The following PPP1R21 variants were observed in gnomAD, a reference collection of about 807,000 sequenced individuals.
PPP1R21 encodes protein phosphatase 1 regulatory subunit 21.
A neutral mutation model predicts 112.8 loss-of-function variants in PPP1R21; 85 were observed. The ratio of observed to expected loss-of-function variants is 0.75; its 90% CI spans 0.63 to 0.90. The LOEUF (loss-of-function observed/expected upper bound fraction) is 0.90, where lower values mean the gene tolerates loss of function less well. PPP1R21 is among the 40% of genes least tolerant of loss of function. The probability of loss-of-function intolerance (pLI) is 0.00; values close to 1 mark genes in which losing one functional copy is unlikely to be tolerated. For missense variants in PPP1R21, 1,199 were observed against 901.5 expected (o/e 1.33, Z -4.23); for synonymous variants, 381 against 322.3 (o/e 1.18, Z -1.95).
chr2:48,447,861 A>G (rs1200770558), intron 1 of PPP1R21, among the ~76,000 whole-genome samples: 13 of 152,146 alleles, frequency 8.5e-5, no homozygotes, highest in Non-Finnish European at 1.5e-5. Context: ...GAGGCAGGAG[A>G]ATCGCTTGAA....
intron 12 of PPP1R21, among the ~76,000 whole-genome samples, chr2:48,479,025 C>A (rs933803007): frequency 6.6e-6 from 1 of 152,172 alleles, no homozygotes. Flanking sequence ...CAGCAGCCCC[C>A]GGTCTCCTTG....
chr2:48,482,254 C>G (rs1398302414), intron 13 of PPP1R21, among the ~76,000 whole-genome samples: 1 of 152,140 alleles, frequency 6.6e-6, no homozygotes, highest in South Asian at 2.1e-4. Context: ...TGTAAAGTCA[C>G]CTCCAAATGT....
chr2:48,445,198 G>T (rs1667196030), intron 1 of PPP1R21, among the ~76,000 whole-genome samples: 1 of 136,062 alleles, frequency 7.3e-6, no homozygotes. Flanking sequence ...AAGTTGGGTT[G>T]GAAAACAGGT....
At chr2:48,473,713 G>C (rs1481297897) in intron 11 of PPP1R21, among the ~76,000 whole-genome samples, 7 of 152,166 alleles carry the variant, frequency 4.6e-5, no homozygotes, top group Admixed American at 2.0e-4. Context: ...AAATGATTAT[G>C]ATTCCTATGC....
rs1251801287 is a variant in PPP1R21, at chr2:48,465,078, T to C, written c.747+89T>C. The C allele has an allele frequency of 4.3e-5, 42 of 980,006 alleles. No individual in the cohort carries two copies. In the South Asian group the frequency reaches 5.2e-4, roughly 12 times the overall value. The allele number at this position is 980,006 out of a possible 1,614,324, so 60.7% of individuals were successfully genotyped here. A position where few individuals can be genotyped will look rare whatever the true frequency, so the allele number is the denominator to read the frequency against. On this transcript the variant is annotated intron_variant, in intron 8 of 21. Coordinates refer to ENST00000294952, the MANE Select transcript of PPP1R21 (RefSeq NM_001135629.3). Reference sequence around the variant, plus strand: ...AATTAGTTGTGTTTGGACCTCTGTTTAGTGCATTCAGTCATTGCATTTAAC... The same window carrying C: ...AATTAGTTGTGTTTGGACCTCTGTTCAGTGCATTCAGTCATTGCATTTAAC...
At chr2:48,498,427 A>T (rs978606653) in intron 16 of PPP1R21, 66 bp from the exon 17 acceptor site, 17 of 1,544,514 alleles carry the variant, frequency 1.1e-5, no homozygotes, top group Non-Finnish European at 1.4e-5. Flanking sequence ...TCTGTAAGAT[A>T]GTTTTTGGGC....
At chr2:48,499,602 T>G (rs1670009493) in intron 17 of PPP1R21, among the ~76,000 whole-genome samples, 1 of 152,082 alleles carries the variant, frequency 6.6e-6, no homozygotes, top group South Asian at 2.1e-4. Flanking sequence ...AAAAAAGAAA[T>G]AACCACAAAT....
intron 9 of PPP1R21, among the ~76,000 whole-genome samples, chr2:48,465,850 A>G (rs907691142): frequency 5.3e-5 from 8 of 152,230 alleles, no homozygotes; most frequent in Non-Finnish European, 5.9e-5. Flanking sequence ...GTCTGTTTTC[A>G]CACTGCTGAT....
chr2:48,505,523 T>G (rs1558523643), intron 17 of PPP1R21, 41 bp from the exon 18 acceptor site: 1 of 1,460,086 alleles, frequency 6.8e-7, no homozygotes, highest in Non-Finnish European at 9.4e-7. Flanking sequence ...GCTTGAAATG[T>G]ACACATTCTG....
intron 13 of PPP1R21, among the ~76,000 whole-genome samples, chr2:48,484,826 T>G (rs955217433): frequency 5.9e-5 from 9 of 152,208 alleles, no homozygotes; most frequent in Non-Finnish European, 1.3e-4. Flanking sequence ...AGAGTAAACA[T>G]TTTGATTGTG....
At chr2:48,492,831 T>A (rs1669630764) in intron 15 of PPP1R21, among the ~76,000 whole-genome samples, 1 of 152,168 alleles carries the variant, frequency 6.6e-6, no homozygotes, top group African/African-American at 2.4e-5. Context: ...TACCTATTTA[T>A]AGTTTGCCTG....
At chr2:48,465,224 T>C (rs1290625983) in intron 8 of PPP1R21, among the ~76,000 whole-genome samples, 2 of 152,234 alleles carry the variant, frequency 1.3e-5, no homozygotes, top group East Asian at 3.8e-4. Flanking sequence ...AATTATGAGA[T>C]GCATTAATGT....
At chr2:48,479,311 T>A (rs1668898146) in intron 12 of PPP1R21, among the ~76,000 whole-genome samples, 2 of 152,206 alleles carry the variant, frequency 1.3e-5, no homozygotes, top group African/African-American at 4.8e-5. Flanking sequence ...GGAATGGAAT[T>A]TCTGTCTCCC....
At chr2:48,480,098 G>A in intron 13 of PPP1R21, 82 bp downstream of exon 13, 2 of 956,396 alleles carry the variant, frequency 2.1e-6, no homozygotes, top group Non-Finnish European at 3.4e-6. Flanking sequence ...AACAAACACT[G>A]CCAAGGGTAA....
intron 1 of PPP1R21, 77 bp downstream of exon 1, chr2:48,441,087 C>G: frequency 9.8e-7 from 1 of 1,017,026 alleles, no homozygotes; most frequent in Non-Finnish European, 1.5e-6. Flanking sequence ...TTGTCGGGAC[C>G]TAGGGGTACT....
At chr2:48,504,763 AAC>A (rs573449579) in intron 17 of PPP1R21, among the ~76,000 whole-genome samples, 54 of 152,216 alleles carry the variant, frequency 3.5e-4, no homozygotes, top group Non-Finnish European at 7.1e-4. Flanking sequence ...CACCACCTTG[AAC>A]AATAACCAGA....
chr2:48,459,603 G>C, intron 4 of PPP1R21, 151 bp from the exon 5 acceptor site: 1 of 767,652 alleles, frequency 1.3e-6, no homozygotes, highest in Non-Finnish European at 2.0e-6. Context: ...GATATCCTGT[G>C]AGGATTTAAT....
rs1225811015 is a variant in PPP1R21 at position 48,471,187 on chromosome 2, TG to T, written c.999+1del. 6.2e-7 allele frequency: 1 copy of T among 1,609,332 alleles called. No homozygotes were observed. The highest frequency in any genetic ancestry group is 1.1e-5 in the South Asian group (1 of 90,960). On this transcript the variant is annotated frameshift_variant and splice_region_variant, in exon 10 of 22. Transcript: ENST00000294952. LOFTEE classifies it high-confidence loss of function. ...ESITEDTVTV[L>X]ETTVKLKTFS... ...ATCACTGAGGATACTGTGACTGTCTTGGTAATTTTCTTCCTTGTTTTACTTC... is the reference window on the plus strand; with the variant it reads ...ATCACTGAGGATACTGTGACTGTCTTGTAATTTTCTTCCTTGTTTTACTTC...
chr2:48,486,324 T>A (rs1014617763), intron 13 of PPP1R21, among the ~76,000 whole-genome samples: 1 of 152,146 alleles, frequency 6.6e-6, no homozygotes, highest in African/African-American at 2.4e-5. Flanking sequence ...AACTGGTAAA[T>A]AGTGGTTTTT....
Sources: gnomAD v4.1 joint callset for allele counts (sites outside exome capture counted in the v4.1 genomes callset) on GRCh38, gnomAD v4.1.1 for gene constraint, MANE v1.5 for transcripts, NCBI Gene and HGNC (gene_info 2026-07-23, HGNC 2026-07-21) for gene names.